The following CATSPERT variants were observed in gnomAD, a reference collection of about 807,000 sequenced individuals.
The protein encoded by CATSPERT is catsper channel auxiliary subunit tau.
At chr2:201,608,830 GAAAGAAAC>G in the CATSPERT span, among the ~76,000 whole-genome samples, 5 of 99,328 alleles carry the variant, frequency 5.0e-5, no homozygotes, top group Non-Finnish European at 1.1e-4. Context: ...AAAAAAAAAA[GAAAGAAAC>G]AAACAAAGAA....
At chr2:201,581,659 AGTGCAATG>A in the CATSPERT span, among the ~76,000 whole-genome samples, 3 of 141,592 alleles carry the variant, frequency 2.1e-5, no homozygotes, top group African/African-American at 8.0e-5. Flanking sequence ...CCCAGGCTGG[AGTGCAATG>A]GTGCAATCTT....
the CATSPERT span, among the ~76,000 whole-genome samples, chr2:201,488,834 A>G: frequency 2.6e-5 from 4 of 152,224 alleles, no homozygotes; most frequent in African/African-American, 9.6e-5. Flanking sequence ...TACCTATTTA[A>G]CATTTCTGCC....
chr2:201,554,243 T>C, the CATSPERT span: 1 of 152,140 alleles, frequency 6.6e-6, no homozygotes, highest in Non-Finnish European at 1.5e-5. Context: ...TAATTTTAAA[T>C]ATATGCTTTT....
chr2:201,606,487 A>T, the CATSPERT span, among the ~76,000 whole-genome samples: 67,471 of 152,098 alleles, frequency 0.44, 15,630 homozygotes, highest in East Asian at 0.7. Flanking sequence ...AGGCTATTTT[A>T]AAAAATACAT....
the CATSPERT span, among the ~76,000 whole-genome samples, chr2:201,612,469 G>A: frequency 6.6e-6 from 1 of 151,358 alleles, no homozygotes; most frequent in East Asian, 2.0e-4. Context: ...AGCTACTCAG[G>A]AGGTTGAGGC....
At chr2:201,584,304 TAATAA>T in the CATSPERT span, among the ~76,000 whole-genome samples, 2 of 150,936 alleles carry the variant, frequency 1.3e-5, no homozygotes, top group African/African-American at 2.4e-5. Context: ...AAACTAATAG[TAATAA>T]AATAAAATAA....
the CATSPERT span, among the ~76,000 whole-genome samples, chr2:201,544,861 G>A: frequency 6.6e-6 from 1 of 151,142 alleles, no homozygotes; most frequent in African/African-American, 2.4e-5. Context: ...GCCAGGCATG[G>A]TGGCGTGTGC....
chr2:201,611,558 T>C, the CATSPERT span, among the ~76,000 whole-genome samples: 2 of 152,270 alleles, frequency 1.3e-5, no homozygotes, highest in South Asian at 2.1e-4. Flanking sequence ...AATAACTGTG[T>C]AGCAAAAACA....
chr2:201,496,518 T>C, the CATSPERT span, among the ~76,000 whole-genome samples: 270 of 152,278 alleles, frequency 1.8e-3, no homozygotes, highest in African/African-American at 5.8e-3. Context: ...AATTTTTGTA[T>C]TTTTTGTAGA....
chr2:201,546,228 AT>A, the CATSPERT span, among the ~76,000 whole-genome samples: 1 of 152,212 alleles, frequency 6.6e-6, no homozygotes, highest in Admixed American at 6.5e-5. Flanking sequence ...TCACAGAGGT[AT>A]AAAAAAATGA....
At chr2:201,515,101 A>G in the CATSPERT span, among the ~76,000 whole-genome samples, 1 of 151,030 alleles carries the variant, frequency 6.6e-6, no homozygotes, top group Admixed American at 6.6e-5. Context: ...TGAAGTACAT[A>G]TGGTCTTTCA....
chr2:201,614,756 C>G, the CATSPERT span, among the ~76,000 whole-genome samples: 2 of 152,128 alleles, frequency 1.3e-5, no homozygotes, highest in South Asian at 4.2e-4. Context: ...TTAAAAGACA[C>G]AGACTGGCAA....
At chr2:201,502,555 G>A in the CATSPERT span, among the ~76,000 whole-genome samples, 6 of 135,754 alleles carry the variant, frequency 4.4e-5, no homozygotes, top group African/African-American at 1.1e-4. Flanking sequence ...CTAGGCGACA[G>A]AGTAAGACTC....
At chr2:201,489,368 C>T in the CATSPERT span, among the ~76,000 whole-genome samples, 1 of 151,036 alleles carries the variant, frequency 6.6e-6, no homozygotes, top group South Asian at 2.1e-4. Context: ...AAGACTATCA[C>T]CCCATCTTCT....
chr2:201,615,760 A>C, the CATSPERT span, among the ~76,000 whole-genome samples: 1 of 152,182 alleles, frequency 6.6e-6, no homozygotes, highest in African/African-American at 2.4e-5. Flanking sequence ...AAATCAATGA[A>C]TCCAGGAGCT....
chr2:201,537,809 A>G, the CATSPERT span, among the ~76,000 whole-genome samples: 106,039 of 151,780 alleles, frequency 0.7, 37,898 homozygotes, highest in East Asian at 0.94. Context: ...GAATAAAGGC[A>G]TATGAAATCA....
the CATSPERT span, among the ~76,000 whole-genome samples, chr2:201,488,889 C>T: frequency 2.0e-5 from 3 of 152,174 alleles, no homozygotes; most frequent in Non-Finnish European, 4.4e-5. Context: ...TTCCCTCTTA[C>T]GTACACAAGA....
the CATSPERT span, among the ~76,000 whole-genome samples, chr2:201,563,785 A>G: frequency 6.8e-3 from 1,031 of 152,326 alleles, 10 homozygotes; most frequent in African/African-American, 0.024. Flanking sequence ...TCACTGCACA[A>G]CTGTAAAAGC....
At chr2:201,491,756 T>C in the CATSPERT span, 2 of 1,537,176 alleles carry the variant, frequency 1.3e-6, no homozygotes, top group African/African-American at 1.4e-5. Flanking sequence ...TGCTCCTTTC[T>C]ATCAAGGGAC....
Sources: gnomAD v4.1 joint callset for allele counts (sites outside exome capture counted in the v4.1 genomes callset) on GRCh38, gnomAD v4.1.1 for gene constraint, MANE v1.5 for transcripts, NCBI Gene and HGNC (gene_info 2026-07-23, HGNC 2026-07-21) for gene names.